The following PRORP variants were observed in gnomAD, a reference collection of about 807,000 sequenced individuals.
PRORP encodes protein only RNase P catalytic subunit.
A neutral mutation model predicts 59.4 loss-of-function variants in PRORP; 51 were observed. That is an observed-to-expected ratio of 0.86 (90% CI 0.69 to 1.08). PRORP has a LOEUF of 1.08. Among genes scored for constraint, PRORP ranks in the 50% least tolerant of loss-of-function variants. The probability of loss-of-function intolerance (pLI) is 0.00; values close to 1 mark genes in which losing one functional copy is unlikely to be tolerated. For missense variants in PRORP, 646 were observed against 690.3 expected (o/e 0.94, Z 0.72); for synonymous variants, 231 against 245.6 (o/e 0.94, Z 0.55).
intron 4 of PRORP, among the ~76,000 whole-genome samples, chr14:35,137,156 T>C (rs927911223): frequency 2.1e-5 from 3 of 145,342 alleles, no homozygotes; most frequent in African/African-American, 7.3e-5. Flanking sequence ...TTTAAGAAGT[T>C]TACATGAAAA....
At chr14:35,141,517 C>T (rs1461080191) in intron 4 of PRORP, among the ~76,000 whole-genome samples, 1 of 145,152 alleles carries the variant, frequency 6.9e-6, no homozygotes, top group East Asian at 2.3e-4. Flanking sequence ...GTCCTCCCAC[C>T]TTGGCCTCCC....
intron 5 of PRORP, among the ~76,000 whole-genome samples, chr14:35,256,602 C>T (rs906629263): frequency 2.8e-4 from 42 of 151,676 alleles, no homozygotes; most frequent in African/African-American, 9.2e-4. Flanking sequence ...AGTGCTGGGA[C>T]TACAGGCGTG....
chr14:35,245,947 C>T (rs1047568307), intron 5 of PRORP, among the ~76,000 whole-genome samples: 3 of 152,048 alleles, frequency 2.0e-5, no homozygotes, highest in African/African-American at 7.2e-5. Context: ...TCTGAAAATG[C>T]CTTTATATTA....
intron 4 of PRORP, among the ~76,000 whole-genome samples, chr14:35,161,430 A>G (rs2048057540): frequency 6.6e-6 from 1 of 152,190 alleles, no homozygotes; most frequent in Non-Finnish European, 1.5e-5. Flanking sequence ...TTGGCACTTT[A>G]GAGCAGATTC....
chr14:35,126,911 G>A, intron 3 of PRORP, 129 bp downstream of exon 3: 2 of 692,596 alleles, frequency 2.9e-6, no homozygotes, highest in Non-Finnish European at 2.4e-6. Context: ...AGTATCTGAG[G>A]AAAAAAACAT....
intron 5 of PRORP, among the ~76,000 whole-genome samples, chr14:35,259,351 G>A (rs1431329198): frequency 6.6e-6 from 1 of 151,820 alleles, no homozygotes; most frequent in Non-Finnish European, 1.5e-5. Context: ...TATTTGAAGT[G>A]AGTTTTTTTT....
chr14:35,175,546 G>T (rs1326062636), intron 4 of PRORP, among the ~76,000 whole-genome samples: 1 of 151,910 alleles, frequency 6.6e-6, no homozygotes, highest in Non-Finnish European at 1.5e-5. Context: ...GTCTTCTTTT[G>T]AGAAGTGTCT....
chr14:35,273,857 T>A lies in PRORP; in HGVS notation c.*291T>A, dbSNP rs7218. On this transcript the variant is annotated 3_prime_UTR_variant, in exon 8 of 8. Transcript: ENST00000534898. ...AGCTATTCCACTTAGCTTGGGTGAC[T>A]AATAGTGCTTTTGGTATCCATTTTT... 0.24 allele frequency: 49,026 copies of A among 204,810 alleles called. 7,940 individuals are homozygous for A. The highest frequency in any genetic ancestry group is 0.49 in the African/African-American group (21,171 of 43,144). The allele number at this position is 204,810 out of a possible 1,614,324, so 12.7% of individuals were successfully genotyped here.
intron 4 of PRORP, among the ~76,000 whole-genome samples, chr14:35,152,890 G>A (rs931037085): frequency 6.6e-6 from 1 of 150,708 alleles, no homozygotes; most frequent in Non-Finnish European, 1.5e-5. Flanking sequence ...GGGAAGAGGC[G>A]CTCCTCACTT....
intron 4 of PRORP, among the ~76,000 whole-genome samples, chr14:35,178,630 G>A (rs1192285562): frequency 1.3e-5 from 2 of 152,076 alleles, no homozygotes; most frequent in African/African-American, 4.8e-5. Context: ...TTGAGCCTAT[G>A]TGTGTCTCTG....
At chr14:35,230,187 G>A (rs151250878) in intron 5 of PRORP, among the ~76,000 whole-genome samples, 180 of 151,726 alleles carry the variant, frequency 1.2e-3, no homozygotes, top group African/African-American at 4.2e-3. Context: ...CTAGTGGCTG[G>A]GATTACAGGT....
At chr14:35,183,875 G>T (rs1196824434) in intron 5 of PRORP, among the ~76,000 whole-genome samples, 1 of 152,146 alleles carries the variant, frequency 6.6e-6, no homozygotes, top group Non-Finnish European at 1.5e-5. Flanking sequence ...TAATGAAATA[G>T]TTCCAGAAAG....
At chr14:35,230,047 A>ATTTTTTTT (rs2050033599) in intron 5 of PRORP, among the ~76,000 whole-genome samples, 13 of 131,608 alleles carry the variant, frequency 9.9e-5, no homozygotes, top group African/African-American at 3.7e-4. Context: ...ATTACTGTAA[A>ATTTTTTTT]TTCTTTTTTT....
At chr14:35,212,256 C>T (rs919293294) in intron 5 of PRORP, among the ~76,000 whole-genome samples, 3 of 152,202 alleles carry the variant, frequency 2.0e-5, no homozygotes, top group Admixed American at 6.5e-5. Flanking sequence ...TTGGAATCCA[C>T]ACCTTCCAAA....
At chr14:35,181,034 G>A (rs953395531) in intron 5 of PRORP, among the ~76,000 whole-genome samples, 3 of 152,048 alleles carry the variant, frequency 2.0e-5, no homozygotes, top group East Asian at 1.9e-4. Flanking sequence ...AGATTTTCCC[G>A]TTTCGTGTAA....
chr14:35,167,163 T>C (rs10498331), intron 4 of PRORP, among the ~76,000 whole-genome samples: 28,023 of 152,148 alleles, frequency 0.18, 2,838 homozygotes, highest in Admixed American at 0.27. Context: ...ATGCTGTATT[T>C]GCCTAACTCT....
At chr14:35,146,570 T>C (rs947233177) in intron 4 of PRORP, among the ~76,000 whole-genome samples, 15 of 152,206 alleles carry the variant, frequency 9.9e-5, no homozygotes, top group South Asian at 4.1e-4. Flanking sequence ...TGGGTTTTTT[T>C]CCCCAGATTT....
intron 4 of PRORP, among the ~76,000 whole-genome samples, chr14:35,167,372 A>G (rs930592585): frequency 1.3e-5 from 2 of 151,708 alleles, no homozygotes; most frequent in Non-Finnish European, 2.9e-5. Context: ...AGTCACCTCT[A>G]CTCTTTTTTG....
At chr14:35,269,107 C>G (rs2051122159) in intron 6 of PRORP, among the ~76,000 whole-genome samples, 1 of 152,126 alleles carries the variant, frequency 6.6e-6, no homozygotes. Context: ...GAGATCATGG[C>G]CCTGCCACTC....
Sources: gnomAD v4.1 joint callset for allele counts (sites outside exome capture counted in the v4.1 genomes callset) on GRCh38, gnomAD v4.1.1 for gene constraint, MANE v1.5 for transcripts, NCBI Gene and HGNC (gene_info 2026-07-23, HGNC 2026-07-21) for gene names.